CAMTA1: variants seen among roughly 807,000 people sequenced by gnomAD.
The protein encoded by CAMTA1 is calmodulin-binding transcription activator 1.
A neutral mutation model predicts 170.9 loss-of-function variants in CAMTA1; 27 were observed. The ratio of observed to expected loss-of-function variants is 0.16; its 90% CI spans 0.12 to 0.22. CAMTA1 has a LOEUF of 0.22. CAMTA1 is among the 10% of genes least tolerant of loss of function. The probability of loss-of-function intolerance (pLI) is 1.00; values close to 1 mark genes in which losing one functional copy is unlikely to be tolerated. For missense variants in CAMTA1, 1,619 were observed against 2,217.2 expected (o/e 0.73, Z 5.42); for synonymous variants, 833 against 891.5 (o/e 0.93, Z 1.17).
intron 3 of CAMTA1, among the ~76,000 whole-genome samples, chr1:7,079,636 TA>T (rs1355443538): frequency 6.6e-6 from 1 of 151,246 alleles, no homozygotes; most frequent in Non-Finnish European, 1.5e-5. Flanking sequence ...CACGCCTGGC[TA>T]ATTTTTTTTT....
chr1:7,345,675 C>T (rs935074561), intron 5 of CAMTA1, among the ~76,000 whole-genome samples: 10 of 152,194 alleles, frequency 6.6e-5, no homozygotes, highest in African/African-American at 2.4e-4. Context: ...TGAGTGCTTA[C>T]ACCCCCATGC....
intron 6 of CAMTA1, among the ~76,000 whole-genome samples, chr1:7,489,750 C>T (rs925125315): frequency 2.6e-5 from 4 of 152,236 alleles, no homozygotes; most frequent in African/African-American, 9.6e-5. Flanking sequence ...GATCCTCATT[C>T]CTTTCCTGTC....
At chr1:6,962,468 T>A (rs926640790) in intron 3 of CAMTA1, among the ~76,000 whole-genome samples, 8 of 143,892 alleles carry the variant, frequency 5.6e-5, no homozygotes, top group Admixed American at 1.4e-4. Context: ...TTTTGGTTCC[T>A]CTCTCCCTGC....
At chr1:6,848,363 G>C (rs755286205) in intron 3 of CAMTA1, among the ~76,000 whole-genome samples, 4 of 152,042 alleles carry the variant, frequency 2.6e-5, no homozygotes, top group Non-Finnish European at 5.9e-5. Context: ...ACATTTCCCC[G>C]GCCTTGAACT....
At chr1:7,030,497 G>A (rs536058594) in intron 3 of CAMTA1, among the ~76,000 whole-genome samples, 9 of 152,240 alleles carry the variant, frequency 5.9e-5, no homozygotes, top group Admixed American at 2.0e-4. Context: ...GTGAGCACAA[G>A]TTTTTCCCAA....
rs141192116 is a variant in CAMTA1, at chr1:7,664,545, C to G, written c.1998C>G (p.Ile666Met). 829 of 1,613,218 alleles carry G rather than the reference C, an allele frequency of 5.1e-4. 3 individuals are homozygous for G. The highest frequency in any genetic ancestry group is 6.6e-4 in the Non-Finnish European group (782 of 1,180,050). The part of the protein sequence containing the change: ...SSCSGHVETR[I>M]ESTSSLHLMQ... ...GCAGCGGTCACGTGGAGACGCGGAT[C>G]GAGTCCACTTCCTCCCTCCACCTCA... Residue 666 changes from isoleucine to methionine, a missense_variant, in exon 9 of 23, where the codon ATC becomes ATG. Transcript: ENST00000303635.
At chr1:7,276,812 T>C (rs1017896122) in intron 5 of CAMTA1, among the ~76,000 whole-genome samples, 2 of 152,180 alleles carry the variant, frequency 1.3e-5, no homozygotes, top group African/African-American at 4.8e-5. Flanking sequence ...ATCATGTGCA[T>C]AGAAAGTGTT....
intron 5 of CAMTA1, among the ~76,000 whole-genome samples, chr1:7,274,871 G>T (rs1398532280): frequency 6.6e-6 from 1 of 152,138 alleles, no homozygotes. Flanking sequence ...GCTGAGCGTG[G>T]TGGCTCATGG....
At chr1:6,843,887 C>G (rs1245004437) in intron 3 of CAMTA1, among the ~76,000 whole-genome samples, 2 of 152,190 alleles carry the variant, frequency 1.3e-5, no homozygotes, top group Non-Finnish European at 2.9e-5. Context: ...AAGACACCAT[C>G]AGGTGTCAGC....
At chr1:7,409,927 T>G (rs1460979520) in intron 5 of CAMTA1, among the ~76,000 whole-genome samples, 11 of 152,124 alleles carry the variant, frequency 7.2e-5, no homozygotes, top group Non-Finnish European at 1.2e-4. Context: ...GGCCTGGACC[T>G]GGCCAAGAAC....
At chr1:7,684,472 C>T (rs937777997) in intron 11 of CAMTA1, among the ~76,000 whole-genome samples, 5 of 152,150 alleles carry the variant, frequency 3.3e-5, no homozygotes, top group African/African-American at 1.2e-4. Context: ...CCCAGAGAGC[C>T]GTGCCCCCAC....
intron 3 of CAMTA1, among the ~76,000 whole-genome samples, chr1:7,032,375 G>T (rs1204089524): frequency 1.3e-5 from 2 of 152,072 alleles, no homozygotes; most frequent in African/African-American, 4.8e-5. Flanking sequence ...TTTACTGCTT[G>T]TTTTAGAGTT....
At chr1:6,981,063 G>T (rs1008204845) in intron 3 of CAMTA1, among the ~76,000 whole-genome samples, 1 of 152,076 alleles carries the variant, frequency 6.6e-6, no homozygotes, top group African/African-American at 2.4e-5. Flanking sequence ...GCACAGTCTC[G>T]GTGGCTCTGA....
intron 6 of CAMTA1, among the ~76,000 whole-genome samples, chr1:7,535,600 C>G (rs144822862): frequency 6.6e-6 from 1 of 152,128 alleles, no homozygotes; most frequent in Admixed American, 6.5e-5. Flanking sequence ...GGACTGGAGA[C>G]GAGTGGCCAC....
Position 7,585,282 on chromosome 1 carries a change from AGGGTTGC to A in CAMTA1, c.511-55115_511-55109del, listed in dbSNP as rs3034781. ...GGCAGAGTAAAGGAAGGGGTACGGG[AGGGTTGC>A]GGATAGAGTAGCCAAGAAGAGGCCT... On this transcript the variant is annotated intron_variant, in intron 6 of 22. Transcript: ENST00000303635. This position sits in a 1 kb window ranked among gnomAD's most constrained non-coding sequence, Gnocchi z 4.8. 0.022 allele frequency among the ~76,000 whole-genome samples: 3,363 copies of A among 152,166 alleles called. 141 individuals carry two copies. The highest frequency in any genetic ancestry group is 0.078 in the African/African-American group (3,250 of 41,500).
chr1:7,227,430 C>T (rs61780004), intron 4 of CAMTA1, among the ~76,000 whole-genome samples: 3 of 152,148 alleles, frequency 2.0e-5, no homozygotes, highest in East Asian at 3.9e-4. Context: ...TGGGTTCAAG[C>T]GATTCTCCTG....
At chr1:6,979,337 G>A (rs952952927) in intron 3 of CAMTA1, among the ~76,000 whole-genome samples, 2 of 152,136 alleles carry the variant, frequency 1.3e-5, no homozygotes, top group Admixed American at 6.5e-5. Flanking sequence ...CAACTCCTGG[G>A]CCTATTTTGC....
chr1:7,049,076 G>T (rs1044226244), intron 3 of CAMTA1, among the ~76,000 whole-genome samples: 8 of 152,212 alleles, frequency 5.3e-5, no homozygotes, highest in African/African-American at 1.9e-4. Flanking sequence ...GCTGCTGAAC[G>T]TCAGCTAGTT....
intron 4 of CAMTA1, among the ~76,000 whole-genome samples, chr1:7,166,543 T>C (rs1341013065): frequency 6.6e-6 from 1 of 152,234 alleles, no homozygotes; most frequent in Admixed American, 6.5e-5. Flanking sequence ...TCTTCATTTC[T>C]ACTTTCCTTG....
Sources: allele counts gnomAD v4.1 joint callset (sites outside exome capture counted in the v4.1 genomes callset), GRCh38; gene constraint gnomAD v4.1.1; non-coding constraint Gnocchi (gnomAD v3.1); transcripts MANE v1.5; gene names NCBI Gene and HGNC (gene_info 2026-07-23, HGNC 2026-07-21).